Variants in ADAMTS17 observed in about 807,000 individuals in gnomAD.
The protein encoded by ADAMTS17 is A disintegrin and metalloproteinase with thrombospondin motifs 17.
In ADAMTS17, 113 loss-of-function variants were observed where a neutral mutation model predicts 141.5. The observed-to-expected ratio is 0.80, with a 90% CI of 0.69 to 0.93. The LOEUF is 0.93. Among genes scored for constraint, ADAMTS17 ranks in the 40% least tolerant of loss-of-function variants. The probability of loss-of-function intolerance (pLI) is 0.00; values close to 1 mark genes in which losing one functional copy is unlikely to be tolerated. For missense variants in ADAMTS17, 1,659 were observed against 1,517.9 expected (o/e 1.09, Z -1.54); for synonymous variants, 768 against 630.6 (o/e 1.22, Z -3.27).
chr15:100,168,034 G>A (rs530565323), intron 8 of ADAMTS17, among the ~76,000 whole-genome samples: 28 of 152,300 alleles, frequency 1.8e-4, no homozygotes, highest in Non-Finnish European at 3.7e-4. Flanking sequence ...TCTAAACACC[G>A]CAGGACGAAC....
intron 8 of ADAMTS17, among the ~76,000 whole-genome samples, chr15:100,168,197 C>T (rs1217108691): frequency 6.6e-6 from 1 of 152,214 alleles, no homozygotes; most frequent in Admixed American, 6.5e-5. Context: ...CTCTCCTGGT[C>T]TGCCAAGGGT....
In ADAMTS17 at chr15:100,239,046, C is replaced by T. The variant is rs577984413; in HGVS notation, c.1075+15090G>A. Among the ~76,000 whole-genome samples, 8 of 152,262 alleles carry T rather than the reference C, an allele frequency of 5.3e-5. No individual in the cohort carries two copies. In the South Asian group the frequency reaches 8.3e-4, roughly 16 times the overall value. On this transcript the variant is annotated intron_variant, in intron 7 of 21. Coordinates refer to ENST00000268070, the MANE Select transcript of ADAMTS17 (RefSeq NM_139057.4). ...TGGAGCTTGCAGTGAGCCGAGATCA[C>T]GCCACTGCACTCCAGCCTGGGCAAC...
chr15:100,094,150 G>A (rs2035626090), intron 15 of ADAMTS17, among the ~76,000 whole-genome samples: 1 of 152,234 alleles, frequency 6.6e-6, no homozygotes, highest in African/African-American at 2.4e-5. Flanking sequence ...CACTCAGAAT[G>A]ACAGTCCAGG....
chr15:100,195,613 C>CAAAAA (rs71287815), intron 8 of ADAMTS17, among the ~76,000 whole-genome samples: 22 of 63,526 alleles, frequency 3.5e-4, no homozygotes, highest in African/African-American at 5.4e-4. Flanking sequence ...TGTTTGGTCT[C>CAAAAA]AAAAAAAAAA....
chr15:100,159,982 A>G (rs559645424), intron 8 of ADAMTS17, among the ~76,000 whole-genome samples: 57 of 152,302 alleles, frequency 3.7e-4, no homozygotes, highest in African/African-American at 1.4e-3. Context: ...CTGGGAACTT[A>G]CACAGAGGTT....
intron 10 of ADAMTS17, among the ~76,000 whole-genome samples, chr15:100,145,543 G>A (rs967943398): frequency 6.6e-6 from 1 of 152,198 alleles, no homozygotes; most frequent in Non-Finnish European, 1.5e-5. Flanking sequence ...GACTGCTAAT[G>A]AGAAAACTGG....
In ADAMTS17 at chr15:100,186,612, C is replaced by G. The variant is rs80079989; in HGVS notation, c.1181+12706G>C. On this transcript the variant is annotated intron_variant, in intron 8 of 21. Coordinates refer to ENST00000268070, the MANE Select transcript of ADAMTS17 (RefSeq NM_139057.4). ...CGCCCGGGGCAGGCAGGAAGCAACT[C>G]TCTCAGGTAGACATTCCTCTACTAA... Among the ~76,000 whole-genome samples the G allele has an allele frequency of 8.7e-3, 1,323 of 152,334 alleles. 22 individuals are homozygous for G. The highest frequency in any genetic ancestry group is 0.029 in the African/African-American group (1,218 of 41,574).
chr15:100,103,456 T>C (rs1053046775), intron 14 of ADAMTS17, among the ~76,000 whole-genome samples: 6 of 152,204 alleles, frequency 3.9e-5, no homozygotes, highest in Middle Eastern at 3.2e-3. Flanking sequence ...CAGATGATCT[T>C]TGGACAGGAA....
chr15:100,116,060 A>G (rs1334818028), intron 13 of ADAMTS17, among the ~76,000 whole-genome samples: 1 of 151,146 alleles, frequency 6.6e-6, no homozygotes, highest in East Asian at 2.0e-4. Flanking sequence ...TGTACATGAC[A>G]TACCGATAAA....
chr15:100,085,534 A>C (rs2035043547), intron 15 of ADAMTS17, among the ~76,000 whole-genome samples: 1 of 152,046 alleles, frequency 6.6e-6, no homozygotes, highest in Admixed American at 6.6e-5. Flanking sequence ...TCCAAGACAC[A>C]TAATTGTCAG....
At chr15:100,238,388 C>T (rs996150671) in intron 7 of ADAMTS17, among the ~76,000 whole-genome samples, 1 of 152,204 alleles carries the variant, frequency 6.6e-6, no homozygotes, top group African/African-American at 2.4e-5. Flanking sequence ...CCCACAAGAG[C>T]AACGGCCTTT....
At chr15:100,284,927 C>T (rs1278469564) in intron 3 of ADAMTS17, among the ~76,000 whole-genome samples, 1 of 152,202 alleles carries the variant, frequency 6.6e-6, no homozygotes, top group African/African-American at 2.4e-5. Flanking sequence ...CCAAGCTCTG[C>T]TCGTGACCAG....
intron 15 of ADAMTS17, among the ~76,000 whole-genome samples, chr15:100,073,102 G>C (rs1029163782): frequency 6.6e-6 from 1 of 152,130 alleles, no homozygotes; most frequent in African/African-American, 2.4e-5. Flanking sequence ...AGTGGGCAAA[G>C]GATATGAACA....
At chr15:100,074,072 A>G (rs2034189783) in intron 15 of ADAMTS17, 1 of 152,808 alleles carries the variant, frequency 6.5e-6, no homozygotes, top group Non-Finnish European at 1.5e-5. Flanking sequence ...ACTCTTTTGA[A>G]CTGTTTATGG....
intron 20 of ADAMTS17, among the ~76,000 whole-genome samples, chr15:99,981,689 T>C (rs969587501): frequency 1.3e-5 from 2 of 152,230 alleles, no homozygotes; most frequent in African/African-American, 4.8e-5. Context: ...TGTAACAGTT[T>C]GGAAGACAAA....
intron 7 of ADAMTS17, among the ~76,000 whole-genome samples, chr15:100,242,599 T>G (rs925008802): frequency 6.6e-6 from 1 of 152,054 alleles, no homozygotes; most frequent in African/African-American, 2.4e-5. Flanking sequence ...GCGGTACCTC[T>G]CCTCCCCGTC....
At chr15:100,082,504 G>A (rs1182808157) in intron 15 of ADAMTS17, among the ~76,000 whole-genome samples, 1 of 151,408 alleles carries the variant, frequency 6.6e-6, no homozygotes, top group Non-Finnish European at 1.5e-5. Flanking sequence ...TCCTGCCCCC[G>A]CTTCCTGAGT....
chr15:100,119,061 C>G (rs899275976), intron 12 of ADAMTS17, among the ~76,000 whole-genome samples: 4 of 152,064 alleles, frequency 2.6e-5, no homozygotes, highest in South Asian at 4.2e-4. Flanking sequence ...CACACACACA[C>G]AGAGACAGGC....
At chr15:100,332,368 G>C (rs909605494) in intron 2 of ADAMTS17, among the ~76,000 whole-genome samples, 4 of 152,222 alleles carry the variant, frequency 2.6e-5, no homozygotes, top group African/African-American at 9.6e-5. Flanking sequence ...CAGAACACCC[G>C]AAAACTGCCG....
Sources: gnomAD v4.1 joint callset for allele counts (sites outside exome capture counted in the v4.1 genomes callset) on GRCh38, gnomAD v4.1.1 for gene constraint, MANE v1.5 for transcripts, NCBI Gene and HGNC (gene_info 2026-07-23, HGNC 2026-07-21) for gene names.